Variants in CRYZL1 observed in about 807,000 individuals in gnomAD.
The protein encoded by CRYZL1 is ferry endosomal RAB5 effector complex subunit 4.
Under a neutral mutation model 50.6 loss-of-function variants are expected in CRYZL1, and 34 were observed. The ratio of observed to expected loss-of-function variants is 0.67; its 90% CI spans 0.51 to 0.89. The LOEUF is 0.89. Among genes scored for constraint, CRYZL1 ranks in the 40% least tolerant of loss-of-function variants. CRYZL1 has a pLI of 0.00. For synonymous variants in CRYZL1, 125 were observed against 134.3 expected, an observed-to-expected ratio of 0.93 and a Z score of 0.48; for missense variants, 354 against 402.3, an observed-to-expected ratio of 0.88 and a Z score of 1.03.
At chr21:33,625,628 C>T (rs1199378748) in intron 2 of CRYZL1, among the ~76,000 whole-genome samples, 1 of 151,824 alleles carries the variant, frequency 6.6e-6, no homozygotes, top group African/African-American at 2.4e-5. Context: ...GGGTTACAGG[C>T]ATGCACCACC....
chr21:33,601,587 G>A (rs942228940), intron 8 of CRYZL1, among the ~76,000 whole-genome samples: 4 of 152,114 alleles, frequency 2.6e-5, no homozygotes, highest in African/African-American at 9.6e-5. Context: ...AAAAATGTAA[G>A]TTTAAAAAAA....
intron 1 of CRYZL1, 56 bp from the exon 2 acceptor site, chr21:33,631,613 A>T (rs928023349): frequency 1.7e-6 from 2 of 1,194,210 alleles, no homozygotes; most frequent in Non-Finnish European, 2.2e-6. Context: ...GACTAAATGT[A>T]AGCAAAAATG....
chr21:33,602,316 T>TGCTA lies in CRYZL1; in HGVS notation c.491_494dup (p.His166SerfsTer4). On this transcript the variant is annotated frameshift_variant, in exon 8 of 13. Transcript: ENST00000381554. LOFTEE classifies it high-confidence loss of function. ...AAATCACTTTGGCTCCTCTATGATG[T>TGCTA]GCTAACTGAATAGCTATTGTACCAA... The TGCTA allele has an allele frequency of 6.2e-7, 1 of 1,610,142 alleles. No homozygotes were observed. Among genetic ancestry groups the TGCTA allele is most frequent in the Non-Finnish European group, 8.5e-7 (1 of 1,176,320 alleles).
At chr21:33,629,359 T>C (rs921369582) in intron 2 of CRYZL1, among the ~76,000 whole-genome samples, 2 of 152,190 alleles carry the variant, frequency 1.3e-5, no homozygotes, top group African/African-American at 4.8e-5. Context: ...CCTCTTGGGT[T>C]CAAGCAATGA....
chr21:33,611,774 T>C (rs2086875242), intron 6 of CRYZL1, among the ~76,000 whole-genome samples: 1 of 152,232 alleles, frequency 6.6e-6, no homozygotes, highest in South Asian at 2.1e-4. Context: ...CACATCTTCC[T>C]CCCCTGCTCA....
At chr21:33,635,598 C>T (rs1033042426) in intron 1 of CRYZL1, among the ~76,000 whole-genome samples, 1 of 151,708 alleles carries the variant, frequency 6.6e-6, no homozygotes, top group Non-Finnish European at 1.5e-5. Context: ...TTGTGATCCG[C>T]CTGCCTCGGC....
intron 11 of CRYZL1, among the ~76,000 whole-genome samples, chr21:33,591,881 A>AC (rs908739988): frequency 6.6e-6 from 1 of 151,814 alleles, no homozygotes; most frequent in Admixed American, 6.6e-5. Context: ...TCCCTTGAGC[A>AC]CATGGGTTTG....
rs564995897 is a variant in CRYZL1 at position 33,617,774 on chromosome 21, C to T, written c.218-1024G>A. Among the ~76,000 whole-genome samples the T allele has an allele frequency of 2.6e-5, 4 of 152,220 alleles. No homozygotes were observed. The South Asian group carries it at 8.3e-4, about 32-fold the overall frequency. On this transcript the variant is annotated intron_variant, in intron 4 of 12. Coordinates refer to ENST00000381554, the MANE Select transcript of CRYZL1 (RefSeq NM_145858.3). The stretch of plus-strand genomic sequence containing the variant: ...GTCTGGAATCTACAGATAACACAAC[C>T]GGTTAGGACAGGGGTCGATCTTTAA...
At chr21:33,619,498 T>C (rs1312293571) in intron 4 of CRYZL1, among the ~76,000 whole-genome samples, 6 of 152,248 alleles carry the variant, frequency 3.9e-5, no homozygotes, top group Admixed American at 3.9e-4. Flanking sequence ...AGTGTTCACA[T>C]AATCATGAAA....
chr21:33,624,299 C>T (rs989696175), intron 3 of CRYZL1, among the ~76,000 whole-genome samples: 3 of 152,192 alleles, frequency 2.0e-5, no homozygotes, highest in African/African-American at 7.2e-5. Flanking sequence ...GGAATCCCAG[C>T]ACTTTGGGAG....
At chr21:33,638,387 G>GT (rs1376532514) in intron 1 of CRYZL1, among the ~76,000 whole-genome samples, 1 of 151,940 alleles carries the variant, frequency 6.6e-6, no homozygotes, top group East Asian at 1.9e-4. Context: ...TAATTTTTTT[G>GT]TATCTTTAGT....
At chr21:33,613,889 T>A (rs1312005605) in intron 5 of CRYZL1, among the ~76,000 whole-genome samples, 1 of 152,160 alleles carries the variant, frequency 6.6e-6, no homozygotes, top group African/African-American at 2.4e-5. Flanking sequence ...CTCTCCCTGA[T>A]GGGCTGGGCG....
intron 9 of CRYZL1, among the ~76,000 whole-genome samples, chr21:33,597,906 A>G (rs2086712303): frequency 6.6e-6 from 1 of 152,080 alleles, no homozygotes; most frequent in African/African-American, 2.4e-5. Flanking sequence ...GAGCCACAGC[A>G]CCCAGCCCTC....
At chr21:33,607,993 G>A (rs562627136) in intron 6 of CRYZL1, among the ~76,000 whole-genome samples, 1 of 151,976 alleles carries the variant, frequency 6.6e-6, no homozygotes, top group Admixed American at 6.6e-5. Flanking sequence ...TATGATTTAC[G>A]AATACAATGT....
intron 4 of CRYZL1, among the ~76,000 whole-genome samples, chr21:33,618,173 C>A (rs1415680569): frequency 6.6e-6 from 1 of 151,170 alleles, no homozygotes; most frequent in Non-Finnish European, 1.5e-5. Flanking sequence ...CCTATAGTCC[C>A]AGCTACTTGG....
intron 3 of CRYZL1, 37 bp downstream of exon 3, chr21:33,624,646 C>T (rs374426329): frequency 2.4e-4 from 377 of 1,603,830 alleles, no homozygotes; most frequent in Non-Finnish European, 3.1e-4. Context: ...CTAAGAAACT[C>T]TCATTTTACT....
intron 12 of CRYZL1, 38 bp downstream of exon 12, chr21:33,591,124 A>C: frequency 6.5e-7 from 1 of 1,535,834 alleles, no homozygotes; most frequent in Non-Finnish European, 9.0e-7. Flanking sequence ...GAAAATAGAA[A>C]AACAAACAAG....
chr21:33,623,454 AAGG>A (rs2087025300), intron 3 of CRYZL1, among the ~76,000 whole-genome samples: 1 of 152,222 alleles, frequency 6.6e-6, no homozygotes, highest in African/African-American at 2.4e-5. Flanking sequence ...TCTGTTAGAC[AAGG>A]AGATTATTTC....
At chr21:33,639,538 C>T (rs1025103558) in intron 1 of CRYZL1, among the ~76,000 whole-genome samples, 4 of 152,142 alleles carry the variant, frequency 2.6e-5, no homozygotes, top group African/African-American at 9.7e-5. Flanking sequence ...GAGGGATCCT[C>T]CCGAAACTCT....
Sources: gnomAD v4.1 joint callset for allele counts (sites outside exome capture counted in the v4.1 genomes callset) on GRCh38, gnomAD v4.1.1 for gene constraint, MANE v1.5 for transcripts, NCBI Gene and HGNC (gene_info 2026-07-23, HGNC 2026-07-21) for gene names.